EDA: variants seen among roughly 807,000 people sequenced by gnomAD.
EDA encodes the protein ectodysplasin-A.
Under a neutral mutation model 23.6 loss-of-function variants are expected in EDA, and 2 were observed. The observed-to-expected ratio is 0.08, with a 90% CI of 0.03 to 0.27. The LOEUF is 0.27. Ranked by LOEUF, EDA falls within the 10% of genes least tolerant of loss-of-function variation. The pLI is 1.00. For synonymous variants in EDA, 131 were observed against 132.0 expected (o/e 0.99, Z 0.05); for missense variants, 229 against 324.2 (o/e 0.71, Z 2.26).
At chrX:69,727,251 C>G (rs2012844010) in intron 1 of EDA, among the ~76,000 whole-genome samples, 1 of 111,722 alleles carries the variant, frequency 9.0e-6, no homozygotes. Flanking sequence ...CTCGTGGAGC[C>G]TGAGGTTTGG....
intron 1 of EDA, among the ~76,000 whole-genome samples, chrX:69,789,072 C>T (rs1364605183): frequency 8.9e-6 from 1 of 112,272 alleles, no homozygotes; most frequent in Non-Finnish European, 1.9e-5. Flanking sequence ...CCATCTGTCA[C>T]CCCTTTCTTT....
At chrX:69,701,235 G>T (rs1001745939) in intron 1 of EDA, among the ~76,000 whole-genome samples, 9 of 111,628 alleles carry the variant, frequency 8.1e-5, no homozygotes, top group Non-Finnish European at 1.7e-4. Context: ...CAAGGCTGAT[G>T]AGATCTCAGT....
At chrX:69,693,634 A>G (rs776275227) in intron 1 of EDA, among the ~76,000 whole-genome samples, 83 of 111,529 alleles carry the variant, frequency 7.4e-4, no homozygotes, top group Non-Finnish European at 1.2e-3. Flanking sequence ...TTCAGTTTTT[A>G]GATGCCATTT....
chrX:69,999,004 T>C (rs1001388363), intron 2 of EDA, among the ~76,000 whole-genome samples: 20 of 112,005 alleles, frequency 1.8e-4, no homozygotes, highest in Non-Finnish European at 3.2e-4. Context: ...ACTTTGTTTC[T>C]TATCTCCTTG....
At position 70,038,513 on chromosome X, in the gene EDA, G is replaced by C. The variant is rs1941579209; in HGVS notation, c.*2904G>C. 9.0e-6 allele frequency: 1 copy of C among 110,857 alleles called. No homozygotes were observed. The highest frequency in any genetic ancestry group is 1.9e-5 in the Non-Finnish European group (1 of 52,960). The allele number at this position is 110,857 out of a possible 1,213,427, so 9.1% of individuals were successfully genotyped here. ...AAGCAGATGACAGAGGTTTGAAGGA[G>C]AATGGCATGGCAGGAGTCTCTGCCA... On this transcript the variant is annotated 3_prime_UTR_variant, in exon 8 of 8. Coordinates refer to ENST00000374552, the MANE Select transcript of EDA (RefSeq NM_001399.5).
chrX:69,825,803 C>T (rs376503980), intron 1 of EDA, among the ~76,000 whole-genome samples: 5 of 111,290 alleles, frequency 4.5e-5, no homozygotes, highest in African/African-American at 1.6e-4. Flanking sequence ...GGTGTCAATT[C>T]TGAATCTTTC....
chrX:69,863,467 CAATA>C (rs1167810373), intron 1 of EDA, among the ~76,000 whole-genome samples: 3 of 100,438 alleles, frequency 3.0e-5, no homozygotes, highest in African/African-American at 1.1e-4. Flanking sequence ...AAAAAATAGA[CAATA>C]AAGCAAACAG....
intron 1 of EDA, among the ~76,000 whole-genome samples, chrX:69,808,827 G>A (rs942065313): frequency 4.5e-5 from 5 of 111,990 alleles, no homozygotes; most frequent in African/African-American, 1.6e-4. Context: ...TAATTGAGTG[G>A]AGTCAATATT....
chrX:69,784,076 G>A (rs2015058234), intron 1 of EDA, among the ~76,000 whole-genome samples: 1 of 104,207 alleles, frequency 9.6e-6, no homozygotes, highest in Admixed American at 1.0e-4. Context: ...TTTTTTGGCT[G>A]CATAAATGTC....
chrX:69,839,073 A>G (rs2016842362), intron 1 of EDA, among the ~76,000 whole-genome samples: 1 of 112,161 alleles, frequency 8.9e-6, no homozygotes, highest in Non-Finnish European at 1.9e-5. Flanking sequence ...CCCAGCCTAT[A>G]TTTTAGGTCA....
intron 1 of EDA, among the ~76,000 whole-genome samples, chrX:69,827,151 C>A (rs1461504148): frequency 8.9e-6 from 1 of 111,788 alleles, no homozygotes; most frequent in Non-Finnish European, 1.9e-5. Flanking sequence ...TTCATTTCAA[C>A]TTTGGTGAAT....
intron 2 of EDA, among the ~76,000 whole-genome samples, chrX:69,989,277 G>A (rs1303506959): frequency 1.8e-5 from 2 of 111,718 alleles, no homozygotes; most frequent in African/African-American, 3.3e-5. Context: ...TGAGGCCAAG[G>A]GGGTAGCCGA....
intron 2 of EDA, among the ~76,000 whole-genome samples, chrX:69,976,041 T>C (rs1369399301): frequency 8.9e-6 from 1 of 111,803 alleles, no homozygotes; most frequent in Non-Finnish European, 1.9e-5. Flanking sequence ...TTAGTTTGTC[T>C]TTTTAGGTTT....
intron 1 of EDA, among the ~76,000 whole-genome samples, chrX:69,759,786 T>C (rs2014241288): frequency 9.1e-6 from 1 of 110,063 alleles, no homozygotes. Context: ...GCAAAGAAGT[T>C]GAAGGCTGTT....
intron 1 of EDA, among the ~76,000 whole-genome samples, chrX:69,809,989 C>T (rs2285525): frequency 0.082 from 9,009 of 109,613 alleles, 988 homozygotes; most frequent in East Asian, 0.71. Context: ...TGGCCAGGTG[C>T]GGTGGCTCAC....
At chrX:69,775,224 G>T (rs2014745128) in intron 1 of EDA, among the ~76,000 whole-genome samples, 1 of 111,220 alleles carries the variant, frequency 9.0e-6, no homozygotes, top group Admixed American at 9.6e-5. Flanking sequence ...CCCCAATGTT[G>T]TTCATGTTCT....
intron 1 of EDA, among the ~76,000 whole-genome samples, chrX:69,738,434 A>C (rs774432088): frequency 1.8e-4 from 20 of 108,827 alleles, no homozygotes; most frequent in African/African-American, 6.0e-4. Flanking sequence ...AATTTTGTAG[A>C]TCTTTTCAAA....
At chrX:70,025,629 A>T (rs1310413089) in intron 3 of EDA, among the ~76,000 whole-genome samples, 1 of 111,853 alleles carries the variant, frequency 8.9e-6, no homozygotes, top group Non-Finnish European at 1.9e-5. Context: ...CTGAGTACAG[A>T]TTTTGTGTTC....
At chrX:69,730,352 C>T (rs766839474) in intron 1 of EDA, among the ~76,000 whole-genome samples, 2 of 78,721 alleles carry the variant, frequency 2.5e-5, no homozygotes, top group African/African-American at 9.7e-5. Context: ...CTTCTCAAAG[C>T]ATGAAGGGCC....
Sources: allele counts gnomAD v4.1 joint callset (sites outside exome capture counted in the v4.1 genomes callset), GRCh38; gene constraint gnomAD v4.1.1; transcripts MANE v1.5; gene names NCBI Gene and HGNC (gene_info 2026-07-23, HGNC 2026-07-21).